ARPP21: variants seen among roughly 807,000 people sequenced by gnomAD.
The protein encoded by ARPP21 is cAMP regulated phosphoprotein 21.
Under a neutral mutation model 113.2 loss-of-function variants are expected in ARPP21, and 69 were observed. The observed-to-expected ratio is 0.61, with a 90% CI of 0.50 to 0.74. The LOEUF (loss-of-function observed/expected upper bound fraction) is 0.74, where lower values mean the gene tolerates loss of function less well. Ranked by LOEUF, ARPP21 falls within the 30% of genes least tolerant of loss-of-function variation. ARPP21 has a pLI of 0.00. For synonymous variants in ARPP21, 368 were observed against 375.5 expected, an observed-to-expected ratio of 0.98 and a Z score of 0.23; for missense variants, 1,070 against 1,037.4, an observed-to-expected ratio of 1.03 and a Z score of -0.43.
intron 5 of ARPP21, among the ~76,000 whole-genome samples, chr3:35,686,187 A>G (rs951031466): frequency 2.0e-5 from 3 of 151,576 alleles, no homozygotes; most frequent in Admixed American, 6.6e-5. Context: ...AATCTTCCCC[A>G]CCTCAGCCAC....
chr3:35,731,584 T>A (rs1374403005), intron 15 of ARPP21, among the ~76,000 whole-genome samples: 1 of 152,182 alleles, frequency 6.6e-6, no homozygotes. Flanking sequence ...AATATGCACA[T>A]GTATGTGTAT....
At chr3:35,682,729 T>C (rs2079296665) in intron 3 of ARPP21, 119 bp from the exon 4 acceptor site, 4 of 824,850 alleles carry the variant, frequency 4.8e-6, no homozygotes, top group Non-Finnish European at 7.3e-6. Context: ...TTGACTTCTC[T>C]ACTGTAGCCG....
At chr3:35,723,399 C>G (rs2093281448) in intron 14 of ARPP21, among the ~76,000 whole-genome samples, 1 of 152,174 alleles carries the variant, frequency 6.6e-6, no homozygotes, top group Admixed American at 6.5e-5. Context: ...CACCCTGATT[C>G]TTGGAAAGAT....
intron 19 of ARPP21, among the ~76,000 whole-genome samples, chr3:35,770,120 A>C (rs893288984): frequency 6.6e-6 from 1 of 152,220 alleles, no homozygotes; most frequent in African/African-American, 2.4e-5. Flanking sequence ...TCATTCAAAA[A>C]AACATTTTTT....
At chr3:35,732,413 C>T (rs1276171686) in intron 15 of ARPP21, among the ~76,000 whole-genome samples, 2 of 152,196 alleles carry the variant, frequency 1.3e-5, no homozygotes, top group Admixed American at 1.3e-4. Flanking sequence ...GACCTCTTGC[C>T]TGTTCTTTCT....
intron 19 of ARPP21, among the ~76,000 whole-genome samples, chr3:35,745,592 G>C (rs948197142): frequency 2.6e-5 from 4 of 152,150 alleles, no homozygotes; most frequent in African/African-American, 9.7e-5. Flanking sequence ...ATAAACTCTA[G>C]ATCTATGTGA....
At chr3:35,667,749 A>G (rs1213529545) in intron 1 of ARPP21, among the ~76,000 whole-genome samples, 1 of 151,734 alleles carries the variant, frequency 6.6e-6, no homozygotes, top group Non-Finnish European at 1.5e-5. Context: ...TTATAATGAA[A>G]TTTTGCAATG....
chr3:35,766,169 A>G (rs1350051230), intron 19 of ARPP21, among the ~76,000 whole-genome samples: 1 of 152,172 alleles, frequency 6.6e-6, no homozygotes, highest in African/African-American at 2.4e-5. Context: ...ATGCAACTAG[A>G]GTCATGTTTT....
intron 12 of ARPP21, 99 bp downstream of exon 12, chr3:35,715,575 G>A: frequency 1.1e-6 from 1 of 935,876 alleles, no homozygotes; most frequent in Non-Finnish European, 1.7e-6. Context: ...GTGTGTGCTT[G>A]AATATATGTA....
At chr3:35,661,534 T>C (rs1437497474) in intron 1 of ARPP21, among the ~76,000 whole-genome samples, 1 of 152,198 alleles carries the variant, frequency 6.6e-6, no homozygotes, top group Admixed American at 6.5e-5. Context: ...ACTGCTAGTA[T>C]ACATTCTCTG....
intron 15 of ARPP21, among the ~76,000 whole-genome samples, chr3:35,735,024 A>G (rs1279672631): frequency 6.6e-6 from 1 of 152,190 alleles, no homozygotes; most frequent in Non-Finnish European, 1.5e-5. Flanking sequence ...ATGTTATAAC[A>G]GTCTGTTCTT....
chr3:35,657,512 G>A (rs1249006627), intron 1 of ARPP21, among the ~76,000 whole-genome samples: 1 of 152,114 alleles, frequency 6.6e-6, no homozygotes, highest in Non-Finnish European at 1.5e-5. Context: ...AACTCTGTGT[G>A]AAGTACTTTT....
intron 19 of ARPP21, among the ~76,000 whole-genome samples, chr3:35,744,838 A>G (rs996137385): frequency 6.6e-6 from 1 of 152,240 alleles, no homozygotes; most frequent in African/African-American, 2.4e-5. Context: ...AGATACATGT[A>G]TGTAATATAT....
chr3:35,771,377 G>A (rs2096195667), intron 19 of ARPP21, among the ~76,000 whole-genome samples: 1 of 151,844 alleles, frequency 6.6e-6, no homozygotes, highest in African/African-American at 2.4e-5. Flanking sequence ...TGCCCAGGCT[G>A]GAGTGCAGTG....
intron 1 of ARPP21, among the ~76,000 whole-genome samples, chr3:35,653,552 C>T (rs1460677900): frequency 6.6e-6 from 1 of 151,990 alleles, no homozygotes; most frequent in East Asian, 1.9e-4. Context: ...GGACTATCAG[C>T]TCCTGATTTT....
intron 1 of ARPP21, among the ~76,000 whole-genome samples, chr3:35,675,841 A>AT (rs2077357647): frequency 6.7e-6 from 1 of 149,834 alleles, no homozygotes; most frequent in South Asian, 2.1e-4. Flanking sequence ...TGATGATAGC[A>AT]TTTAGTAGGT....
At chr3:35,777,778 A>G (rs1374890094) in intron 19 of ARPP21, among the ~76,000 whole-genome samples, 8 of 152,202 alleles carry the variant, frequency 5.3e-5, no homozygotes. Context: ...GAAAATGTCA[A>G]ATTCAACAAA....
In ARPP21 at chr3:35,739,276, C is replaced by A. The variant is rs560573169; in HGVS notation, c.1750-41C>A. 2.8e-5 allele frequency: 44 copies of A among 1,595,930 alleles called. No individual in the cohort carries two copies. In the South Asian group the frequency reaches 3.2e-4, roughly 12 times the overall value. On this transcript the variant is annotated intron_variant, in intron 17 of 20. Transcript: ENST00000684406. ...TCAGAGTGCCTCTCTTATTACCAAG[C>A]TGATCCTGTGAATTCCCTCATTTAT...
chr3:35,682,925 A>G (rs756562821), intron 4 of ARPP21, 36 bp downstream of exon 4: 3 of 1,532,584 alleles, frequency 2.0e-6, no homozygotes, highest in East Asian at 2.3e-5. Flanking sequence ...ACCTGATATC[A>G]TGGGTATAAA....
Sources: allele counts gnomAD v4.1 joint callset (sites outside exome capture counted in the v4.1 genomes callset), GRCh38; gene constraint gnomAD v4.1.1; transcripts MANE v1.5; gene names NCBI Gene and HGNC (gene_info 2026-07-23, HGNC 2026-07-21).